CYREN: variants seen among roughly 807,000 people sequenced by gnomAD.
The protein encoded by CYREN is cell cycle regulator of non-homologous end joining.
A neutral mutation model predicts 9.7 loss-of-function variants in CYREN; 7 were observed. That is an observed-to-expected ratio of 0.72 (90% CI 0.41 to 1.36). The LOEUF is 1.36. CYREN is among the 40% of genes most tolerant of loss of function. The pLI is 0.01. For synonymous variants in CYREN, 76 were observed against 77.9 expected (o/e 0.98, Z 0.13); for missense variants, 215 against 198.1 (o/e 1.09, Z -0.51).
At chr7:135,137,803 A>C (rs1014806422) in intron 2 of CYREN, among the ~76,000 whole-genome samples, 5 of 152,076 alleles carry the variant, frequency 3.3e-5, no homozygotes, top group African/African-American at 4.8e-5. Flanking sequence ...GGGAAGTCCA[A>C]GATCAAGATG....
intron 2 of CYREN, among the ~76,000 whole-genome samples, chr7:135,104,661 G>T (rs1193755516): frequency 3.9e-5 from 6 of 152,022 alleles, no homozygotes; most frequent in Admixed American, 2.6e-4. Context: ...GTTTTGATTT[G>T]CATTTCTTTA....
At chr7:135,115,721 T>C in intron 2 of CYREN, 1 of 878,650 alleles carries the variant, frequency 1.1e-6, no homozygotes, top group Non-Finnish European at 1.7e-6. Context: ...TTGAAAATGA[T>C]GTCAGCTCCA....
rs1215719503 is a variant in CYREN, at chr7:135,134,800, C to T, written n.356+33949G>A. Reference sequence around the variant, plus strand: ...ACATACCTAGGACTACAAAGTAGGTCCATGATGGACAAAAATTCACGTATT... The same window carrying T: ...ACATACCTAGGACTACAAAGTAGGTTCATGATGGACAAAAATTCACGTATT... On this transcript the variant is annotated intron_variant and non_coding_transcript_variant, in intron 2 of 2. Coordinates refer to the CYREN transcript ENST00000459937. The T allele has an allele frequency of 5.3e-6, 8 of 1,521,830 alleles. No individual in the cohort carries two copies. In the South Asian group the frequency reaches 7.4e-5, roughly 14 times the overall value. 94.3% of individuals were successfully genotyped at this position (1,521,830 alleles called of 1,614,324 possible).
chr7:135,124,320 A>G (rs1827560601), intron 2 of CYREN, among the ~76,000 whole-genome samples: 1 of 152,356 alleles, frequency 6.6e-6, no homozygotes, highest in Non-Finnish European at 1.5e-5. Flanking sequence ...CATAATGGTA[A>G]AGGGAACAAT....
chr7:135,147,935 A>G (rs1829580776), intron 2 of CYREN: 1 of 455,696 alleles, frequency 2.2e-6, no homozygotes, highest in African/African-American at 2.0e-5. Context: ...CAGTGTAGGT[A>G]AAGAGTATGT....
At chr7:135,164,668 C>A, downstream of CYREN, 8 of 1,613,596 alleles carry the variant, frequency 5.0e-6, no homozygotes, top group Non-Finnish European at 6.8e-6. Flanking sequence ...CTGGGGGTGC[C>A]TCGGGTTGGC....
rs145538233 is a variant in CYREN, at chr7:135,108,683, C to T, written n.357-14101G>A. Among the ~76,000 whole-genome samples, 191 of 152,246 alleles carry T rather than the reference C, an allele frequency of 1.3e-3. 3 individuals carry two copies. Among genetic ancestry groups the T allele is most frequent in the African/African-American group, 4.6e-3 (189 of 41,528 alleles). ...GATGTTTATGTGTCTTGGGAATGAT[C>T]TTCTTGTATAGAATCTTGCAGGGGT... On this transcript the variant is annotated intron_variant and non_coding_transcript_variant, in intron 2 of 2. Coordinates refer to the CYREN transcript ENST00000459937.
At chr7:135,099,188 G>GCT (rs57411569) in intron 2 of CYREN, among the ~76,000 whole-genome samples, 73,550 of 151,262 alleles carry the variant, frequency 0.49, 18,162 homozygotes, top group South Asian at 0.66. Context: ...TCCTAGATTG[G>GCT]CTCTAAAAAT....
intron 2 of CYREN, among the ~76,000 whole-genome samples, chr7:135,137,468 A>T (rs1829372504): frequency 6.6e-6 from 1 of 152,092 alleles, no homozygotes; most frequent in Non-Finnish European, 1.5e-5. Flanking sequence ...GAACACAAGA[A>T]ATATTGAAGC....
intron 2 of CYREN, among the ~76,000 whole-genome samples, chr7:135,154,295 C>A (rs28826902): frequency 1 from 152,350 of 152,350 alleles, 76,175 homozygotes; most frequent in Non-Finnish European, 1. Flanking sequence ...TCATTGATCC[C>A]AAGAACTAAT....
At chr7:135,131,039 T>G (rs1426808702) in intron 2 of CYREN, among the ~76,000 whole-genome samples, 1 of 152,140 alleles carries the variant, frequency 6.6e-6, no homozygotes, top group African/African-American at 2.4e-5. Flanking sequence ...GGTGTGTGTG[T>G]CCAGAGTGAG....
At chr7:135,159,253 A>G (rs148248986) in intron 2 of CYREN, among the ~76,000 whole-genome samples, 1 of 152,358 alleles carries the variant, frequency 6.6e-6, no homozygotes, top group African/African-American at 2.4e-5. Context: ...ACCATGGTGG[A>G]GGCACATACT....
chr7:135,102,979 A>G (rs1397139647), intron 2 of CYREN, among the ~76,000 whole-genome samples: 1 of 152,202 alleles, frequency 6.6e-6, no homozygotes, highest in East Asian at 1.9e-4. Flanking sequence ...ATTAAAATGC[A>G]TGGGACATAT....
chr7:135,111,348 A>G (rs1417664482), intron 2 of CYREN, among the ~76,000 whole-genome samples: 1 of 152,062 alleles, frequency 6.6e-6, no homozygotes, highest in Non-Finnish European at 1.5e-5. Flanking sequence ...TTCTCAACCT[A>G]CTGCTTGAGA....
At chr7:135,156,759 T>C (rs1370350818) in intron 2 of CYREN, among the ~76,000 whole-genome samples, 2 of 152,324 alleles carry the variant, frequency 1.3e-5, no homozygotes, top group East Asian at 3.9e-4. Context: ...CTGTTGTGGT[T>C]CTTTGATGAT....
At chr7:135,123,178 T>A (rs1443605459) in intron 2 of CYREN, among the ~76,000 whole-genome samples, 1 of 152,096 alleles carries the variant, frequency 6.6e-6, no homozygotes, top group Non-Finnish European at 1.5e-5. Flanking sequence ...CTAACTAGAA[T>A]AACCAGTTTA....
chr7:135,167,770 C>T lies in CYREN; in HGVS notation c.175G>A (p.Ala59Thr). ...ATRTVYCMNEAEIVDVALGIL... is the reference protein window; with the variant it reads ...ATRTVYCMNETEIVDVALGIL... ...CCCAGAGCAACATCAACTATCTCAG[C>T]CTCATTCATGCAGTACACAGTCCTT... The change falls in exon 3 of 4, where the codon GCT becomes ACT. Residue 59 changes from alanine (A) to threonine (T), a missense_variant. Ala to Thr is a moderately conservative substitution (Grantham distance 58). Coordinates refer to ENST00000393114, the MANE Select transcript of CYREN (RefSeq NM_024033.4). 2 of 1,614,204 alleles carry T rather than the reference C, an allele frequency of 1.2e-6. No homozygotes were observed. The highest frequency in any genetic ancestry group is 1.7e-6 in the Non-Finnish European group (2 of 1,180,032).
At chr7:135,127,172 GA>G (rs1479052384) in intron 2 of CYREN, among the ~76,000 whole-genome samples, 1 of 151,634 alleles carries the variant, frequency 6.6e-6, no homozygotes, top group Non-Finnish European at 1.5e-5. Flanking sequence ...ATATTTACAA[GA>G]AAAAAACAGA....
chr7:135,113,174 C>A (rs1473165929), intron 2 of CYREN, among the ~76,000 whole-genome samples: 3 of 152,226 alleles, frequency 2.0e-5, no homozygotes, highest in Non-Finnish European at 2.9e-5. Flanking sequence ...ATATTGTAAT[C>A]ATACATTATC....
Sources: allele counts gnomAD v4.1 joint callset (sites outside exome capture counted in the v4.1 genomes callset), GRCh38; gene constraint gnomAD v4.1.1; transcripts MANE v1.5; gene names NCBI Gene and HGNC (gene_info 2026-07-23, HGNC 2026-07-21).